RBP7: variants seen among roughly 807,000 people sequenced by gnomAD.
The protein encoded by RBP7 is retinol binding protein 7.
A neutral mutation model predicts 16.7 loss-of-function variants in RBP7; 13 were observed. The observed-to-expected ratio is 0.78, with a 90% confidence interval of 0.51 to 1.24. RBP7 has a LOEUF of 1.24. RBP7 is among the 50% of genes most tolerant of loss of function. The pLI is 0.00. For missense variants in RBP7, 145 were observed against 159.5 expected (o/e 0.91, Z 0.49); for synonymous variants, 54 against 56.2 (o/e 0.96, Z 0.17).
At chr1:10,011,238 T>A (rs1642608061) in intron 3 of RBP7, among the ~76,000 whole-genome samples, 1 of 152,142 alleles carries the variant, frequency 6.6e-6, no homozygotes, top group Non-Finnish European at 1.5e-5. Flanking sequence ...AACGTGATAG[T>A]CATCTGTCTT....
chr1:10,012,086 C>T (rs1642638009), intron 3 of RBP7, among the ~76,000 whole-genome samples: 1 of 151,922 alleles, frequency 6.6e-6, no homozygotes, highest in South Asian at 2.1e-4. Context: ...TGGCGCATGC[C>T]TCTAATGCCA....
At chr1:10,011,034 A>G (rs1642601843) in intron 3 of RBP7, among the ~76,000 whole-genome samples, 1 of 152,030 alleles carries the variant, frequency 6.6e-6, no homozygotes, top group South Asian at 2.1e-4. Flanking sequence ...GACAGAAAAC[A>G]AAGAAATTTC....
chr1:10,002,732 G>A (rs1642311820), intron 1 of RBP7, among the ~76,000 whole-genome samples: 1 of 152,060 alleles, frequency 6.6e-6, no homozygotes, highest in South Asian at 2.1e-4. Context: ...TTGAACTCCT[G>A]GCCTCAAGTG....
intron 1 of RBP7, among the ~76,000 whole-genome samples, chr1:10,003,624 C>T (rs982237499): frequency 6.6e-6 from 1 of 152,242 alleles, no homozygotes; most frequent in Non-Finnish European, 1.5e-5. Context: ...CTCCCTCTGG[C>T]TTGCCCTTGA....
intron 3 of RBP7, among the ~76,000 whole-genome samples, chr1:10,012,939 C>CAAAAAAAAA (rs760583223): frequency 2.8e-5 from 2 of 71,344 alleles, no homozygotes; most frequent in South Asian, 9.4e-4. Flanking sequence ...GAAACTGTCT[C>CAAAAAAAAA]AAAAAAAAAA....
chr1:9,999,814 CTTTTTT>C (rs70998341), intron 1 of RBP7, among the ~76,000 whole-genome samples: 6 of 105,842 alleles, frequency 5.7e-5, no homozygotes, highest in Admixed American at 1.1e-4. Context: ...CTGTAATACT[CTTTTTT>C]TTTTTTTTTT....
At chr1:10,004,933 C>A (rs1642398661) in intron 1 of RBP7, among the ~76,000 whole-genome samples, 1 of 152,028 alleles carries the variant, frequency 6.6e-6, no homozygotes, top group South Asian at 2.1e-4. Context: ...GCAAAGGCTG[C>A]AGTGAGCCGA....
At chr1:10,002,426 G>A (rs543083914) in intron 1 of RBP7, among the ~76,000 whole-genome samples, 1 of 152,152 alleles carries the variant, frequency 6.6e-6, no homozygotes, top group South Asian at 2.1e-4. Flanking sequence ...CTTTTGGACT[G>A]TTGGACTGTT....
intron 2 of RBP7, 150 bp downstream of exon 2, chr1:10,007,898 A>G (rs962772669): frequency 4.1e-6 from 3 of 736,574 alleles, no homozygotes; most frequent in African/African-American, 3.6e-5. Flanking sequence ...AAAAATTCAA[A>G]AAGTAGGGGG....
rs796369292 is a variant in RBP7, at chr1:10,001,808, A to AGTTT, written c.73+4478_73+4481dup. Among the ~76,000 whole-genome samples, 47 of 89,544 alleles carry AGTTT rather than the reference A, an allele frequency of 5.2e-4. No homozygotes were observed. The South Asian group carries it at 0.011, about 21-fold the overall frequency. 58.7% of individuals were successfully genotyped at this position (89,544 alleles called of 152,430 possible). ...TGGGATATATTTATTTAATTTAATT[A>AGTTT]GTTTATTTATTTATTTATTTATTTA... is the stretch of plus-strand genomic sequence containing the variant. On this transcript the variant is annotated intron_variant, in intron 1 of 3. Coordinates refer to ENST00000294435, the MANE Select transcript of RBP7 (RefSeq NM_052960.3).
In RBP7 at chr1:10,015,888, G is replaced by A. The variant is rs1247956342; in HGVS notation, c.*56G>A. ...CTGCAGCTTTATGCCAAATTATATT[G>A]CAGACTGAACAGACGTTTATCTATC... On this transcript the variant is annotated 3_prime_UTR_variant, in exon 4 of 4. Transcript: ENST00000294435. 6.6e-7 allele frequency: 1 copy of A among 1,519,250 alleles called. No individual in the cohort carries two copies. Among genetic ancestry groups the A allele is most frequent in the Non-Finnish European group, 9.1e-7 (1 of 1,094,822 alleles). 94.1% of individuals were successfully genotyped at this position (1,519,250 alleles called of 1,614,324 possible).
intron 3 of RBP7, among the ~76,000 whole-genome samples, chr1:10,009,521 A>AT (rs112431441): frequency 0.015 from 2,102 of 141,190 alleles, 48 homozygotes; most frequent in African/African-American, 0.049. Flanking sequence ...TTAATGTCTT[A>AT]TTTTTTTTTT....
chr1:10,015,683 C>A, intron 3 of RBP7, 99 bp from the exon 4 acceptor site: 2 of 1,051,182 alleles, frequency 1.9e-6, no homozygotes, highest in Non-Finnish European at 2.9e-6. Context: ...AAAACATGTT[C>A]CAGAAAAGGG....
At chr1:10,006,708 GA>G (rs546698534) in intron 1 of RBP7, among the ~76,000 whole-genome samples, 143 of 118,942 alleles carry the variant, frequency 1.2e-3, no homozygotes, top group Middle Eastern at 4.4e-3. Context: ...AAAAAAAAAA[GA>G]AAAAAAAAAG....
Position 10,015,834 on chromosome 1 carries a change from C to T in RBP7, c.*2C>T. The T allele has an allele frequency of 6.2e-7, 1 of 1,613,752 alleles. No individual in the cohort carries two copies. Among genetic ancestry groups the T allele is most frequent in the Non-Finnish European group, 8.5e-7 (1 of 1,179,722 alleles). On this transcript the variant is annotated 3_prime_UTR_variant, in exon 4 of 4. Transcript: ENST00000294435. ...AAACAGACATTCCAGAGAGCCTGAT[C>T]CACATCCAGCAGCAGAGCCCACTTG...
In RBP7 at chr1:9,997,329, T is replaced by C. The variant is rs1642192237; in HGVS notation, c.71T>C (p.Leu24Pro). ...AACTTCGAGGGCTACATGCTGGCCC[T>C]AGGTAAGGCGGAGGGGAGGCGGCGG... is the stretch of plus-strand genomic sequence containing the variant. Reference protein sequence around the residue: ...SDNFEGYMLALGIDFATRKIA... With the variant: ...SDNFEGYMLAPGIDFATRKIA... The change falls in exon 1 of 4, where the codon CTA becomes CCA. Residue 24 changes from leucine (L) to proline (P), a missense_variant and splice_region_variant. Leu to Pro is a moderately conservative substitution (Grantham distance 98, BLOSUM62 -3). Coordinates refer to ENST00000294435, the MANE Select transcript of RBP7 (RefSeq NM_052960.3). This position sits in a 1 kb window ranked among gnomAD's most constrained non-coding sequence, Gnocchi z 5.9. 6.2e-7 allele frequency: 1 copy of C among 1,610,366 alleles called. No homozygotes were observed.
intron 1 of RBP7, 104 bp from the exon 2 acceptor site, chr1:10,007,466 G>T (rs1307244220): frequency 4.7e-6 from 4 of 856,152 alleles, no homozygotes; most frequent in Non-Finnish European, 7.2e-6. Flanking sequence ...AAGTCGTACA[G>T]GAAATGCTAA....
chr1:10,001,365 G>C (rs528335566), intron 1 of RBP7, among the ~76,000 whole-genome samples: 356 of 152,280 alleles, frequency 2.3e-3, no homozygotes, highest in Non-Finnish European at 4.2e-3. Flanking sequence ...TAGTGCAGTG[G>C]TGCGATCATG....
rs546442984 is a variant in RBP7 at position 10,006,749 on chromosome 1, G to A, written c.74-821G>A. ...TACGTGTGTGTGTGTGTGTGTGTGT[G>A]TGTATATATATATATAGAGAGAGAG... On this transcript the variant is annotated intron_variant, in intron 1 of 3. Transcript: ENST00000294435. Among the ~76,000 whole-genome samples the A allele has an allele frequency of 5.6e-3, 810 of 143,920 alleles. 4 individuals are homozygous for A. Among genetic ancestry groups the A allele is most frequent in the African/African-American group, 0.021 (752 of 36,080 alleles). 94.4% of individuals were successfully genotyped at this position (143,920 alleles called of 152,430 possible). A position where few individuals can be genotyped will look rare whatever the true frequency, so the allele number is the denominator to read the frequency against.
Sources: gnomAD v4.1 joint callset for allele counts (sites outside exome capture counted in the v4.1 genomes callset) on GRCh38, gnomAD v4.1.1 for gene constraint, Gnocchi (gnomAD v3.1) non-coding constraint, MANE v1.5 for transcripts, NCBI Gene and HGNC (gene_info 2026-07-23, HGNC 2026-07-21) for gene names.